SLC4A10: variants seen among roughly 807,000 people sequenced by gnomAD.
SLC4A10 encodes solute carrier family 4 member 10, also known as sodium-driven chloride bicarbonate exchanger.
In SLC4A10, 42 loss-of-function variants were observed where a neutral mutation model predicts 137.7. The ratio of observed to expected loss-of-function variants is 0.30; its 90% confidence interval spans 0.24 to 0.39. The LOEUF (loss-of-function observed/expected upper bound fraction) is 0.39. Ranked by LOEUF, SLC4A10 falls within the 10% of genes least tolerant of loss-of-function variation. The pLI is 1.00. For missense variants in SLC4A10, 925 were observed against 1,355.0 expected (o/e 0.68, Z 4.98); for synonymous variants, 474 against 464.1 (o/e 1.02, Z -0.27).
intron 5 of SLC4A10, among the ~76,000 whole-genome samples, chr2:161,860,387 G>A (rs192117610): frequency 6.6e-6 from 1 of 152,044 alleles, no homozygotes; most frequent in African/African-American, 2.4e-5. Context: ...CATATGTAGG[G>A]TTTATTATGT....
At chr2:161,719,979 T>C (rs1459881863) in intron 1 of SLC4A10, among the ~76,000 whole-genome samples, 2 of 152,238 alleles carry the variant, frequency 1.3e-5, no homozygotes, top group Admixed American at 6.5e-5. Context: ...CATGCATATG[T>C]CCTGAATGGT....
intron 2 of SLC4A10, among the ~76,000 whole-genome samples, chr2:161,773,627 A>G (rs966132218): frequency 6.6e-6 from 1 of 151,882 alleles, no homozygotes; most frequent in African/African-American, 2.4e-5. Context: ...CATTCTGAGT[A>G]CAGGTTGTAG....
intron 1 of SLC4A10, among the ~76,000 whole-genome samples, chr2:161,678,778 G>A (rs2040536392): frequency 1.3e-5 from 2 of 152,034 alleles, no homozygotes; most frequent in South Asian, 2.1e-4. Flanking sequence ...ACTCATCCAT[G>A]TTCTTGCATT....
chr2:161,711,126 T>C (rs748665714), intron 1 of SLC4A10, among the ~76,000 whole-genome samples: 3 of 151,808 alleles, frequency 2.0e-5, no homozygotes, highest in Non-Finnish European at 4.4e-5. Context: ...TTAGAGTGCA[T>C]AGTTTCTCGT....
intron 5 of SLC4A10, among the ~76,000 whole-genome samples, chr2:161,857,035 A>G (rs114358314): frequency 0.016 from 2,416 of 152,298 alleles, 66 homozygotes; most frequent in African/African-American, 0.055. Context: ...TTCTTAAATT[A>G]TGTAATTTCT....
chr2:161,708,021 A>G (rs2043876840), intron 1 of SLC4A10, among the ~76,000 whole-genome samples: 1 of 151,230 alleles, frequency 6.6e-6, no homozygotes, highest in Admixed American at 6.6e-5. Context: ...AATCTTTTGC[A>G]TGTTAAACTT....
At chr2:161,849,868 T>C (rs2059725903) in intron 4 of SLC4A10, among the ~76,000 whole-genome samples, 1 of 152,118 alleles carries the variant, frequency 6.6e-6, no homozygotes, top group Non-Finnish European at 1.5e-5. Flanking sequence ...ATTTTTGTTG[T>C]GAATCTGCCT....
intron 4 of SLC4A10, among the ~76,000 whole-genome samples, chr2:161,851,200 A>C (rs986779545): frequency 2.0e-5 from 3 of 152,120 alleles, no homozygotes; most frequent in African/African-American, 7.2e-5. Flanking sequence ...TGTTGGGTGG[A>C]GTGTTCTGTA....
chr2:161,963,409 A>G (rs921096353), intron 21 of SLC4A10, among the ~76,000 whole-genome samples: 1 of 152,172 alleles, frequency 6.6e-6, no homozygotes, highest in East Asian at 1.9e-4. Flanking sequence ...ATGACGTGAC[A>G]GTGCTGTATA....
At chr2:161,864,241 T>G (rs1443071832) in intron 6 of SLC4A10, among the ~76,000 whole-genome samples, 1 of 152,070 alleles carries the variant, frequency 6.6e-6, no homozygotes, top group African/African-American at 2.4e-5. Context: ...TAAAAATTAA[T>G]GAAAAGTATT....
intron 15 of SLC4A10, among the ~76,000 whole-genome samples, chr2:161,931,676 C>T (rs1307344545): frequency 3.9e-5 from 6 of 152,132 alleles, no homozygotes; most frequent in Admixed American, 6.5e-5. Flanking sequence ...TACTAATCCA[C>T]GCTTCAAATG....
chr2:161,812,392 G>A (rs11898165), intron 3 of SLC4A10, among the ~76,000 whole-genome samples: 5,070 of 151,792 alleles, frequency 0.033, 110 homozygotes, highest in African/African-American at 0.048. Context: ...CTTTGAATTT[G>A]GGGGTACATG....
At chr2:161,625,414 GA>G (rs373576422) in intron 1 of SLC4A10, among the ~76,000 whole-genome samples, 35 of 146,048 alleles carry the variant, frequency 2.4e-4, no homozygotes, top group Middle Eastern at 3.5e-3. Context: ...AAGGAAAAAA[GA>G]AAAAAAAAAC....
At chr2:161,764,519 A>T (rs183262355) in intron 1 of SLC4A10, among the ~76,000 whole-genome samples, 5 of 152,150 alleles carry the variant, frequency 3.3e-5, no homozygotes, top group Non-Finnish European at 5.9e-5. Context: ...TACAAAATGG[A>T]TATAACATAT....
intron 5 of SLC4A10, among the ~76,000 whole-genome samples, chr2:161,858,273 C>G (rs922913853): frequency 3.9e-5 from 6 of 151,954 alleles, no homozygotes; most frequent in Non-Finnish European, 7.4e-5. Flanking sequence ...GAATATGACC[C>G]AGATATTGTT....
At chr2:161,847,135 T>C (rs1274499943) in intron 4 of SLC4A10, among the ~76,000 whole-genome samples, 1 of 151,456 alleles carries the variant, frequency 6.6e-6, no homozygotes, top group Non-Finnish European at 1.5e-5. Context: ...CCCAGCTACT[T>C]GGAAGGCTGA....
At position 161,983,579 on chromosome 2, in the gene SLC4A10, C is replaced by G. The variant is rs1030067744; in HGVS notation, c.*427C>G. On this transcript the variant is annotated 3_prime_UTR_variant, in exon 27 of 27. Coordinates refer to ENST00000446997, the MANE Select transcript of SLC4A10 (RefSeq NM_001178015.2). Reference sequence around the variant, plus strand: ...AGTTTGTATTTTCCTACTTTAGTGACCTGAAGATGCCTGATAATTTCATTC... The same window carrying G: ...AGTTTGTATTTTCCTACTTTAGTGAGCTGAAGATGCCTGATAATTTCATTC... 2 of 188,836 alleles carry G rather than the reference C, an allele frequency of 1.1e-5. No homozygotes were observed. Among genetic ancestry groups the G allele is most frequent in the African/African-American group, 4.6e-5 (2 of 43,032 alleles). 11.7% of individuals were successfully genotyped at this position (188,836 alleles called of 1,614,324 possible). A position where few individuals can be genotyped will look rare whatever the true frequency, so the allele number is the denominator to read the frequency against.
At chr2:161,658,620 G>A (rs373622310) in intron 1 of SLC4A10, among the ~76,000 whole-genome samples, 3 of 139,980 alleles carry the variant, frequency 2.1e-5, no homozygotes, top group African/African-American at 5.3e-5. Context: ...TTTTGATGGA[G>A]TCTTGCTCTG....
chr2:161,706,980 T>C (rs1336280288), intron 1 of SLC4A10, among the ~76,000 whole-genome samples: 1 of 151,524 alleles, frequency 6.6e-6, no homozygotes, highest in Non-Finnish European at 1.5e-5. Context: ...AGCACCTATA[T>C]AGTACCTGAC....
Sources: allele counts gnomAD v4.1 joint callset (sites outside exome capture counted in the v4.1 genomes callset), GRCh38; gene constraint gnomAD v4.1.1; transcripts MANE v1.5; gene names NCBI Gene and HGNC (gene_info 2026-07-23, HGNC 2026-07-21).